INTS14: variants seen among roughly 807,000 people sequenced by gnomAD.
The protein encoded by INTS14 is integrator complex subunit 14.
A neutral mutation model predicts 56.9 loss-of-function variants in INTS14; 27 were observed. The ratio of observed to expected loss-of-function variants is 0.47; its 90% confidence interval spans 0.35 to 0.65. The LOEUF is 0.65. Among genes scored for constraint, INTS14 ranks in the 30% least tolerant of loss-of-function variants. The pLI, the probability that INTS14 is intolerant of heterozygous loss-of-function variation, is 0.00. For missense variants in INTS14, 517 were observed against 632.2 expected (o/e 0.82, Z 1.95); for synonymous variants, 207 against 236.2 (o/e 0.88, Z 1.13).
intron 9 of INTS14, among the ~76,000 whole-genome samples, chr15:65,589,564 A>G (rs2072948700): frequency 6.6e-6 from 1 of 152,208 alleles, no homozygotes; most frequent in Non-Finnish European, 1.5e-5. Context: ...ACCATGCTAC[A>G]GAGCACTGAA....
chr15:65,600,218 GGAGGATCACTT>G (rs2073378258), intron 3 of INTS14, among the ~76,000 whole-genome samples: 1 of 152,136 alleles, frequency 6.6e-6, no homozygotes, highest in African/African-American at 2.4e-5. Flanking sequence ...GGCTGAGGTG[GGAGGATCACTT>G]GAGCCTGGGA....
intron 2 of INTS14, among the ~76,000 whole-genome samples, chr15:65,606,927 A>G (rs2073675232): frequency 6.6e-6 from 1 of 152,174 alleles, no homozygotes; most frequent in South Asian, 2.1e-4. Context: ...ATTCCAGAAA[A>G]CCAAGAGAGG....
chr15:65,596,148 G>C (rs1211579324), intron 6 of INTS14, among the ~76,000 whole-genome samples: 1 of 152,096 alleles, frequency 6.6e-6, no homozygotes, highest in Non-Finnish European at 1.5e-5. Context: ...AGGTCACCAG[G>C]GGGCATCATA....
At position 65,591,719 on chromosome 15, in the gene INTS14, A is replaced by G. The variant is rs376329936; in HGVS notation, c.999T>C (p.His333=). The part of the protein sequence containing the change: ...VAIVQLGPEW[H]GMLYSQADSK... The stretch of plus-strand genomic sequence containing the variant: ...TGTCAGCTTGGGAGTAGAGCATTCC[A>G]TGCCATTCAGGACTAGATGGAGAGA... The change falls in exon 9 of 12, where the codon CAT becomes CAC. Residue 333 remains histidine, a synonymous_variant. Coordinates refer to ENST00000313182, the MANE Select transcript of INTS14 (RefSeq NM_001394796.1). 5 of 1,614,010 alleles carry G rather than the reference A, an allele frequency of 3.1e-6. No individual in the cohort carries two copies. The highest frequency in any genetic ancestry group is 1.3e-5 in the African/African-American group (1 of 74,940).
At chr15:65,587,159 A>T (rs1334676274) in intron 9 of INTS14, among the ~76,000 whole-genome samples, 12 of 152,184 alleles carry the variant, frequency 7.9e-5, no homozygotes, top group Admixed American at 7.9e-4. Flanking sequence ...AATGAAATAA[A>T]CATATATATA....
At chr15:65,606,880 A>G (rs1216793928) in intron 2 of INTS14, among the ~76,000 whole-genome samples, 1 of 152,208 alleles carries the variant, frequency 6.6e-6, no homozygotes, top group Non-Finnish European at 1.5e-5. Context: ...TAGGGAATGG[A>G]ACACTACATC....
chr15:65,583,042 G>C (rs8042910), intron 10 of INTS14, among the ~76,000 whole-genome samples: 41,978 of 152,088 alleles, frequency 0.28, 7,735 homozygotes, highest in African/African-American at 0.53. Flanking sequence ...AAAACAATGA[G>C]TATTGGTAGG....
chr15:65,593,264 A>G (rs1323150898), intron 8 of INTS14, among the ~76,000 whole-genome samples, 164 bp downstream of exon 8: 1 of 149,668 alleles, frequency 6.7e-6, no homozygotes, highest in African/African-American at 2.6e-5. Context: ...GTCTCAAAAA[A>G]AACAAAAAAA....
intron 8 of INTS14, 68 bp from the exon 9 acceptor site, chr15:65,591,799 G>GC: frequency 3.2e-6 from 5 of 1,541,880 alleles, no homozygotes; most frequent in Non-Finnish European, 2.6e-6. Context: ...AATAAGTCTA[G>GC]CCTGTATTTT....
rs745815705 is a variant in INTS14 at position 65,593,428 on chromosome 15, C to A, written c.986G>T (p.Gly329Val). ...VEGMVAIVQL[G>V]PEWHGMLYSQ... ...ACCAAATGTAAACAAAGTTTCCTAC[C>A]CTAATTGAACAATCGCTACCATTCC... is the stretch of plus-strand genomic sequence containing the variant. Residue 329 changes from glycine (G) to valine (V), a missense_variant and splice_region_variant, in exon 8 of 12, where the codon GGT (glycine) becomes GTT (valine). Gly to Val is a moderately radical substitution (Grantham distance 109, BLOSUM62 -3). Coordinates refer to ENST00000313182, the MANE Select transcript of INTS14 (RefSeq NM_001394796.1). 1 of 1,607,994 alleles carries A rather than the reference C, an allele frequency of 6.2e-7. No homozygotes were observed. Among genetic ancestry groups the A allele is most frequent in the Non-Finnish European group, 8.5e-7 (1 of 1,177,586 alleles).
intron 9 of INTS14, among the ~76,000 whole-genome samples, chr15:65,585,281 C>T (rs2072776554): frequency 6.6e-6 from 1 of 152,128 alleles, no homozygotes; most frequent in Non-Finnish European, 1.5e-5. Context: ...TGGAAATGTT[C>T]TATATCTGTG....
chr15:65,595,797 T>C lies in INTS14; in HGVS notation c.777A>G (p.Ile259Met). The C allele has an allele frequency of 6.2e-7, 1 of 1,609,028 alleles. No individual in the cohort carries two copies. The highest frequency in any genetic ancestry group is 8.5e-7 in the Non-Finnish European group (1 of 1,178,676). ...GAACTGGGGGACTTGAAATATCAGC[T>C]ATATCAATAAATCCCACTATTTCCA... ...TDLEIVGFID[I>M]ADISSPPVLS... Residue 259 changes from isoleucine (I) to methionine (M), a missense_variant, in exon 7 of 12, where the codon ATA (isoleucine) becomes ATG (methionine). Transcript: ENST00000313182.
intron 7 of INTS14, among the ~76,000 whole-genome samples, chr15:65,594,933 C>T (rs915158912): frequency 6.6e-6 from 1 of 152,116 alleles, no homozygotes; most frequent in Non-Finnish European, 1.5e-5. Flanking sequence ...ATATCCAATA[C>T]TCCAACTGAG....
At chr15:65,602,213 TG>T (rs2073460221) in intron 3 of INTS14, among the ~76,000 whole-genome samples, 1 of 151,750 alleles carries the variant, frequency 6.6e-6, no homozygotes. Flanking sequence ...CACTCAAGCC[TG>T]GGCGACAGAG....
intron 11 of INTS14, among the ~76,000 whole-genome samples, chr15:65,581,387 A>G (rs1431000389): frequency 7.2e-6 from 1 of 138,304 alleles, no homozygotes; most frequent in African/African-American, 2.9e-5. Flanking sequence ...CTCAAAAACA[A>G]AAAAACAAAA....
chr15:65,605,014 TAA>T lies in INTS14; in HGVS notation c.330+113_330+114del. ...TTCACTTAAGAAGATACCAATAGTG[TAA>T]AATGTAGTTTGTAGAAATTACAATG... On this transcript the variant is annotated intron_variant, in intron 3 of 11. Transcript: ENST00000313182. 1.6e-5 allele frequency: 12 copies of T among 772,808 alleles called. No homozygotes were observed. In the South Asian group the frequency reaches 1.9e-4, roughly 12 times the overall value. 47.9% of individuals were successfully genotyped at this position (772,808 alleles called of 1,614,324 possible).
chr15:65,598,437 G>A lies in INTS14; in HGVS notation c.632C>T (p.Pro211Leu). ...FGKLIDLAYT[P>L]FHAVLKCGHL... is the part of the protein sequence containing the mutation. ...GCCACACTTGAGAACAGCATGGAAAGGCGTATATGCCAAATCTATCAGTTT... is the reference window on the plus strand; with the variant it reads ...GCCACACTTGAGAACAGCATGGAAAAGCGTATATGCCAAATCTATCAGTTT... Residue 211 changes from proline (P) to leucine (L), a missense_variant, in exon 6 of 12, where the codon CCT becomes CTT. Physicochemically the swap from Pro to Leu is moderately conservative, Grantham distance 98. Coordinates refer to ENST00000313182, the MANE Select transcript of INTS14 (RefSeq NM_001394796.1). 1.9e-6 allele frequency: 3 copies of A among 1,613,954 alleles called. No individual in the cohort carries two copies. The highest frequency in any genetic ancestry group is 1.7e-6 in the Non-Finnish European group (2 of 1,179,874).
chr15:65,592,158 T>C (rs1175683080), intron 8 of INTS14, among the ~76,000 whole-genome samples: 1 of 152,164 alleles, frequency 6.6e-6, no homozygotes, highest in Non-Finnish European at 1.5e-5. Flanking sequence ...AGAGACTCTG[T>C]CCCCAGTTTC....
chr15:65,594,694 G>A (rs953431357), intron 7 of INTS14, among the ~76,000 whole-genome samples: 46 of 151,550 alleles, frequency 3.0e-4, no homozygotes, highest in African/African-American at 1.1e-3. Context: ...GAGCTACCGC[G>A]CCCGGCCACC....
Sources: gnomAD v4.1 joint callset for allele counts (sites outside exome capture counted in the v4.1 genomes callset) on GRCh38, gnomAD v4.1.1 for gene constraint, MANE v1.5 for transcripts, NCBI Gene and HGNC (gene_info 2026-07-23, HGNC 2026-07-21) for gene names.